TMEM209: variants seen among roughly 807,000 people sequenced by gnomAD.
The protein encoded by TMEM209 is testicular tissue protein Li 202.
TMEM209 carries 65 observed loss-of-function variants against 76.2 expected under a neutral mutation model. That is an observed-to-expected ratio of 0.85 (90% CI 0.70 to 1.05). The LOEUF (loss-of-function observed/expected upper bound fraction) is 1.05, where lower values mean the gene tolerates loss of function less well. Among genes scored for constraint, TMEM209 ranks in the 50% least tolerant of loss-of-function variants. The pLI, the probability that TMEM209 is intolerant of heterozygous loss-of-function variation, is 0.00. For missense variants in TMEM209, 623 were observed against 685.5 expected, an observed-to-expected ratio of 0.91 and a Z score of 1.02; for synonymous variants, 239 against 237.6, an observed-to-expected ratio of 1.01 and a Z score of -0.06.
chr7:130,173,918 T>C lies in TMEM209; in HGVS notation c.1366A>G (p.Thr456Ala). The C allele has an allele frequency of 6.2e-7, 1 of 1,612,930 alleles. No homozygotes were observed. Among genetic ancestry groups the C allele is most frequent in the Non-Finnish European group, 8.5e-7 (1 of 1,178,996 alleles). The change falls in exon 12 of 15, where the codon ACC (threonine) becomes GCC (alanine). Residue 456 changes from threonine to alanine, a missense_variant. Physicochemically the swap from Thr to Ala is moderately conservative, Grantham distance 58. Coordinates refer to ENST00000397622, the MANE Select transcript of TMEM209 (RefSeq NM_032842.4). Reference protein sequence around the residue: ...DSAIIMHVFCTYLDSRLPPHP... With the variant: ...DSAIIMHVFCAYLDSRLPPHP... Reference sequence around the variant, plus strand: ...GGAGGTAATCTGGAATCAAGGTAGGTGCAAAATACATGCATGATGATCTGA... The same window carrying C: ...GGAGGTAATCTGGAATCAAGGTAGGCGCAAAATACATGCATGATGATCTGA...
Position 130,181,568 on chromosome 7 carries a change from T to C in TMEM209, c.1120+55A>G, listed in dbSNP as rs760954171. On this transcript the variant is annotated intron_variant, in intron 9 of 14. Transcript: ENST00000397622. ...TTAAGCCGTCCATTACAAGAAGTTT[T>C]CCACTTGGTAGATTTACTAATAGAA... 209 of 1,479,044 alleles carry C rather than the reference T, an allele frequency of 1.4e-4. No individual in the cohort carries two copies. Among genetic ancestry groups the C allele is most frequent in the Admixed American group, 1.7e-4 (9 of 52,350 alleles). The allele number at this position is 1,479,044 out of a possible 1,614,324, so 91.6% of individuals were successfully genotyped here. A position where few individuals can be genotyped will look rare whatever the true frequency, so the allele number is the denominator to read the frequency against.
chr7:130,185,436 T>C (rs1421476365), intron 6 of TMEM209, 69 bp from the exon 7 acceptor site: 1 of 1,369,302 alleles, frequency 7.3e-7, no homozygotes, highest in East Asian at 2.3e-5. Flanking sequence ...AACACTTATA[T>C]CTAGGCAATG....
intron 5 of TMEM209, among the ~76,000 whole-genome samples, chr7:130,195,057 T>A (rs1418655887): frequency 6.6e-6 from 1 of 152,192 alleles, no homozygotes; most frequent in African/African-American, 2.4e-5. Context: ...ATATTTTACT[T>A]ATTAAGTTTT....
At chr7:130,194,294 G>A (rs1271947820) in intron 5 of TMEM209, among the ~76,000 whole-genome samples, 1 of 150,594 alleles carries the variant, frequency 6.6e-6, no homozygotes, top group African/African-American at 2.4e-5. Context: ...GAGATCTCTT[G>A]ATTTTGCTGT....
At chr7:130,200,231 C>T (rs749653226) in intron 5 of TMEM209, among the ~76,000 whole-genome samples, 13 of 151,834 alleles carry the variant, frequency 8.6e-5, no homozygotes, top group Middle Eastern at 3.4e-3. Flanking sequence ...AAAAGACAAG[C>T]GAGTAAAGCA....
chr7:130,175,979 T>C (rs1437417659), intron 10 of TMEM209, among the ~76,000 whole-genome samples: 1 of 152,158 alleles, frequency 6.6e-6, no homozygotes, highest in African/African-American at 2.4e-5. Context: ...TGCTAAAAAG[T>C]AATGTCTGCA....
In TMEM209 at chr7:130,204,014, G is replaced by A; in HGVS notation, c.100C>T (p.Leu34Phe). The change falls in exon 2 of 15, where the codon CTC becomes TTC. Residue 34 changes from leucine (L) to phenylalanine (F), a missense_variant. Physicochemically the swap from Leu to Phe is conservative, Grantham distance 22. Coordinates refer to ENST00000397622, the MANE Select transcript of TMEM209 (RefSeq NM_032842.4). ...ATTCCAGCCATAGATACATTTAGGA[G>A]TCCCCAGGCTAAGACCACTTTCCTA... ...EARKVVLAWG[L>F]LNVSMAGMIY... 6.2e-7 allele frequency: 1 copy of A among 1,613,692 alleles called. No individual in the cohort carries two copies. Among genetic ancestry groups the A allele is most frequent in the Non-Finnish European group, 8.5e-7 (1 of 1,179,796 alleles).
chr7:130,204,445 G>A (rs1389638784), intron 1 of TMEM209, among the ~76,000 whole-genome samples: 1 of 152,108 alleles, frequency 6.6e-6, no homozygotes, highest in East Asian at 1.9e-4. Flanking sequence ...GGGTTCAAGC[G>A]ATTCTCCTGC....
rs1477102104 is a variant in TMEM209 at position 130,166,245 on chromosome 7, T to G, written c.*206A>C. 5.3e-6 allele frequency: 2 copies of G among 377,520 alleles called. No homozygotes were observed. Among genetic ancestry groups the G allele is most frequent in the Non-Finnish European group, 9.3e-6 (2 of 214,636 alleles). 23.4% of individuals were successfully genotyped at this position (377,520 alleles called of 1,614,324 possible). Reference sequence around the variant, plus strand: ...GAAATTTCTGAAAAGCGATATAAAATTAAAGGCAATGTCTCGATATAGAAG... The same window carrying G: ...GAAATTTCTGAAAAGCGATATAAAAGTAAAGGCAATGTCTCGATATAGAAG... On this transcript the variant is annotated 3_prime_UTR_variant, in exon 15 of 15. Transcript: ENST00000397622.
At position 130,203,779 on chromosome 7, in the gene TMEM209, C is replaced by T. The variant is rs976166389; in HGVS notation, c.199+9G>A. ...TAAATGTAAGTTACAGTGAAAATTA[C>T]TTACTTACCAATATACCAGAGGGGC... On this transcript the variant is annotated intron_variant, in intron 3 of 14. Coordinates refer to ENST00000397622, the MANE Select transcript of TMEM209 (RefSeq NM_032842.4). 8.8e-6 allele frequency: 14 copies of T among 1,594,580 alleles called. No individual in the cohort carries two copies. Among genetic ancestry groups the T allele is most frequent in the Non-Finnish European group, 1.2e-5 (14 of 1,170,006 alleles).
rs563609793 is a variant in TMEM209, at chr7:130,174,014, C to T, written c.1345-75G>A. 33 of 1,009,826 alleles carry T rather than the reference C, an allele frequency of 3.3e-5. No homozygotes were observed. In the African/African-American group the frequency reaches 5.1e-4, roughly 16 times the overall value. The allele number at this position is 1,009,826 out of a possible 1,614,324, so 62.6% of individuals were successfully genotyped here. Reference sequence around the variant, plus strand: ...TGGATGTAGAACCCTTTAGAAACATCTGTATTTATAACGATTCCAATTAAA... The same window carrying T: ...TGGATGTAGAACCCTTTAGAAACATTTGTATTTATAACGATTCCAATTAAA... On this transcript the variant is annotated intron_variant, in intron 11 of 14. Coordinates refer to ENST00000397622, the MANE Select transcript of TMEM209 (RefSeq NM_032842.4).
Position 130,166,265 on chromosome 7 carries a change from T to G in TMEM209, c.*186A>C, listed in dbSNP as rs1796880014. 2.4e-6 allele frequency: 1 copy of G among 414,994 alleles called. No individual in the cohort carries two copies. The highest frequency in any genetic ancestry group is 4.2e-6 in the Non-Finnish European group (1 of 238,740). The allele number at this position is 414,994 out of a possible 1,614,324, so 25.7% of individuals were successfully genotyped here. A position where few individuals can be genotyped will look rare whatever the true frequency, so the allele number is the denominator to read the frequency against. On this transcript the variant is annotated 3_prime_UTR_variant, in exon 15 of 15. Coordinates refer to ENST00000397622, the MANE Select transcript of TMEM209 (RefSeq NM_032842.4). ...TAAAATTAAAGGCAATGTCTCGATA[T>G]AGAAGATACGGGACATATTTTTACA...
chr7:130,192,804 G>A lies in TMEM209; in HGVS notation c.593C>T (p.Ser198Phe). The A allele has an allele frequency of 2.5e-6, 4 of 1,613,944 alleles. No individual in the cohort carries two copies. Among genetic ancestry groups the A allele is most frequent in the Admixed American group, 1.7e-5 (1 of 60,026 alleles). Reference sequence around the variant, plus strand: ...AGTGGTAGGGTACGGAGAAGGAGGAGAGGGGCTAAAGCTCGCCAACTATAC... The same window carrying A: ...AGTGGTAGGGTACGGAGAAGGAGGAAAGGGGCTAAAGCTCGCCAACTATAC... ...GYNKLASFSP[S>F]PPSPYPTTVG... is the part of the protein sequence containing the mutation. The change falls in exon 6 of 15, where the codon TCT becomes TTT. Residue 198 changes from serine (S) to phenylalanine (F), a missense_variant. Transcript: ENST00000397622.
Position 130,170,477 on chromosome 7 carries a change from G to C in TMEM209, c.1558-4C>G. 1 of 1,607,364 alleles carries C rather than the reference G, an allele frequency of 6.2e-7. No homozygotes were observed. The highest frequency in any genetic ancestry group is 1.7e-5 in the Admixed American group (1 of 59,010). ...TATGAAACATATTATTTCTGCCCTG[G>C]AACAAAGACAAAAAAGACAAGATTT... On this transcript the variant is annotated splice_region_variant and splice_polypyrimidine_tract_variant and intron_variant, in intron 13 of 14. Transcript: ENST00000397622.
rs528976127 is a variant in TMEM209, at chr7:130,186,760, T to C, written c.776-1393A>G. 2.0e-5 allele frequency among the ~76,000 whole-genome samples: 3 copies of C among 151,870 alleles called. No individual in the cohort carries two copies. The East Asian group carries it at 5.8e-4, about 29-fold the overall frequency. On this transcript the variant is annotated intron_variant, in intron 6 of 14. Coordinates refer to ENST00000397622, the MANE Select transcript of TMEM209 (RefSeq NM_032842.4). ...TAGCAAGTAATGACAAAATAGGGCC[T>C]TTCCATGATGAACACCACCATCACC... is the stretch of plus-strand genomic sequence containing the variant.
chr7:130,186,219 AT>A (rs1426247212), intron 6 of TMEM209, among the ~76,000 whole-genome samples: 3 of 152,034 alleles, frequency 2.0e-5, no homozygotes, highest in East Asian at 1.9e-4. Context: ...AATAGAAACA[AT>A]TTTTTTTAAT....
Position 130,205,384 on chromosome 7 carries a change from G to A in TMEM209, c.-9C>T, listed in dbSNP as rs1562903379. The A allele has an allele frequency of 1.9e-6, 3 of 1,613,926 alleles. No homozygotes were observed. The highest frequency in any genetic ancestry group is 1.3e-5 in the African/African-American group (1 of 75,062). On this transcript the variant is annotated 5_prime_UTR_variant, in exon 1 of 15. Coordinates refer to ENST00000397622, the MANE Select transcript of TMEM209 (RefSeq NM_032842.4). The stretch of plus-strand genomic sequence containing the variant: ...CCCCGAAAACGCACCATGTCCTCTG[G>A]CCGGAAAACGCAGGCTCGCGCCACT...
chr7:130,175,526 G>C lies in TMEM209; in HGVS notation c.1330C>G (p.Pro444Ala). 6.2e-7 allele frequency: 1 copy of C among 1,612,470 alleles called. No homozygotes were observed. Among genetic ancestry groups the C allele is most frequent in the South Asian group, 1.1e-5 (1 of 90,574 alleles). ...TAGGGGCTTACAGCAGAATCGGTGG[G>C]CAGGTCTGTATCCCACTTTCGTCCT... The part of the protein sequence containing the change: ...FKGRKWDTDL[P>A]TDSAIIMHVF... Residue 444 changes from proline (P) to alanine (A), a missense_variant, in exon 11 of 15, where the codon CCC becomes GCC. Transcript: ENST00000397622.
rs1157124492 is a variant in TMEM209, at chr7:130,205,295, CAG to C, written c.3+76_3+77del. On this transcript the variant is annotated intron_variant, in intron 1 of 14. Transcript: ENST00000397622. Reference sequence around the variant, plus strand: ...ACATCCCCCTTGGCTGAACCCAGGACAGATCAGCAGGCGCGGAACTCCCACAA... The same window carrying C: ...ACATCCCCCTTGGCTGAACCCAGGACATCAGCAGGCGCGGAACTCCCACAA... The C allele has an allele frequency of 1.1e-5, 17 of 1,613,302 alleles. No homozygotes were observed. The African/African-American group carries it at 2.0e-4, about 19-fold the overall frequency.
Sources: allele counts gnomAD v4.1 joint callset (sites outside exome capture counted in the v4.1 genomes callset), GRCh38; gene constraint gnomAD v4.1.1; transcripts MANE v1.5; gene names NCBI Gene and HGNC (gene_info 2026-07-23, HGNC 2026-07-21).